The following XRRA1 variants were observed in gnomAD, a reference collection of about 807,000 sequenced individuals.
XRRA1 encodes the protein X-ray radiation resistance associated 1, also known as X-ray radiation resistance-associated protein 1.
Under a neutral mutation model 80.2 loss-of-function variants are expected in XRRA1, and 69 were observed. That is an observed-to-expected ratio of 0.86 (90% CI 0.71 to 1.05). The LOEUF is 1.05. Among genes scored for constraint, XRRA1 ranks in the 50% least tolerant of loss-of-function variants. The pLI, the probability that XRRA1 is intolerant of heterozygous loss-of-function variation, is 0.00. For missense variants in XRRA1, 967 were observed against 976.4 expected, an observed-to-expected ratio of 0.99 and a Z score of 0.13; for synonymous variants, 348 against 389.9, an observed-to-expected ratio of 0.89 and a Z score of 1.27.
rs10160417 is a variant in XRRA1 at position 74,871,425 on chromosome 11, T to G, written c.1004-8404A>C. 4.7e-3 allele frequency among the ~76,000 whole-genome samples: 715 copies of G among 152,306 alleles called. 6 individuals are homozygous for G. The highest frequency in any genetic ancestry group is 0.016 in the African/African-American group (665 of 41,568). On this transcript the variant is annotated intron_variant, in intron 10 of 18. Transcript: ENST00000684022. ...ATCTTTAGCCTGCACCCCGCTCAAG[T>G]GCATTCTGAAGCACTGAGACTCCTT...
intron 7 of XRRA1, among the ~76,000 whole-genome samples, chr11:74,926,803 G>A (rs1373395468): frequency 1.3e-5 from 2 of 152,108 alleles, no homozygotes; most frequent in African/African-American, 4.8e-5. Context: ...TTGAAGAACA[G>A]CTGTGAATGT....
At chr11:74,900,052 C>A (rs1182421054) in intron 10 of XRRA1, among the ~76,000 whole-genome samples, 1 of 151,984 alleles carries the variant, frequency 6.6e-6, no homozygotes, top group Non-Finnish European at 1.5e-5. Context: ...GTAATCCCAG[C>A]TATTTGGCAG....
At chr11:74,911,068 G>A (rs1311507913) in intron 8 of XRRA1, among the ~76,000 whole-genome samples, 1 of 152,114 alleles carries the variant, frequency 6.6e-6, no homozygotes, top group Non-Finnish European at 1.5e-5. Flanking sequence ...CTTGCGAAGA[G>A]GAGGCCACCA....
chr11:74,871,353 G>A (rs572895973), intron 10 of XRRA1, among the ~76,000 whole-genome samples: 192 of 152,290 alleles, frequency 1.3e-3, no homozygotes, highest in Non-Finnish European at 2.3e-3. Context: ...CCATTCTAAA[G>A]GAAGGAGGGG....
In XRRA1 at chr11:74,921,075, C is replaced by T. The variant is rs1221737422; in HGVS notation, c.656+139G>A. Reference sequence around the variant, plus strand: ...TTGGGGGCGTGTGTCTGAGGCCTTTCTGGGAGCTTCAGTAGGTGCCATTAT... The same window carrying T: ...TTGGGGGCGTGTGTCTGAGGCCTTTTTGGGAGCTTCAGTAGGTGCCATTAT... On this transcript the variant is annotated intron_variant, in intron 8 of 18. Transcript: ENST00000684022. 31 of 1,169,914 alleles carry T rather than the reference C, an allele frequency of 2.6e-5. 2 individuals are homozygous for T. The East Asian group carries it at 7.6e-4, about 29-fold the overall frequency. The allele number at this position is 1,169,914 out of a possible 1,614,324, so 72.5% of individuals were successfully genotyped here. A position where few individuals can be genotyped will look rare whatever the true frequency, so the allele number is the denominator to read the frequency against.
chr11:74,921,396 A>G (rs745943054), intron 7 of XRRA1, 49 bp from the exon 8 acceptor site: 1 of 1,608,594 alleles, frequency 6.2e-7, no homozygotes, highest in East Asian at 2.2e-5. Flanking sequence ...CTGTGTGACA[A>G]CAATGCTCAT....
In XRRA1 at chr11:74,907,181, T is replaced by C; in HGVS notation, c.749A>G (p.Asn250Ser). ...TLMLDDNRLS[N>S]PSCFASLAGL... is the part of the protein sequence containing the mutation. ...AGCCAGGCTGGCAAAGCAACTGGGGTTGGAGAGTCTGTTGTCATCCAGCAT... is the reference window on the plus strand; with the variant it reads ...AGCCAGGCTGGCAAAGCAACTGGGGCTGGAGAGTCTGTTGTCATCCAGCAT... Residue 250 changes from asparagine (N) to serine (S), a missense_variant, in exon 9 of 19, where the codon AAC becomes AGC. Coordinates refer to ENST00000684022, the MANE Select transcript of XRRA1 (RefSeq NM_001378157.1). 2 of 1,613,866 alleles carry C rather than the reference T, an allele frequency of 1.2e-6. No individual in the cohort carries two copies. Among genetic ancestry groups the C allele is most frequent in the South Asian group, 2.2e-5 (2 of 91,066 alleles).
At chr11:74,895,929 G>A (rs2052188732) in intron 10 of XRRA1, among the ~76,000 whole-genome samples, 1 of 152,150 alleles carries the variant, frequency 6.6e-6, no homozygotes, top group Non-Finnish European at 1.5e-5. Context: ...GGGCCAAAAG[G>A]GAACCTGCTG....
intron 10 of XRRA1, among the ~76,000 whole-genome samples, chr11:74,903,302 C>T (rs561294028): frequency 2.6e-5 from 4 of 152,260 alleles, no homozygotes; most frequent in Admixed American, 1.3e-4. Context: ...CATTGTAGCA[C>T]CATTTGTAGT....
rs562310752 is a variant in XRRA1 at position 74,890,199 on chromosome 11, G to A, written c.1003+16040C>T. ...AAAAGAACAGAAATTATAACAAACT[G>A]TCTCTCAGACCACAGTGCAGTCAAA... On this transcript the variant is annotated intron_variant, in intron 10 of 18. Coordinates refer to ENST00000684022, the MANE Select transcript of XRRA1 (RefSeq NM_001378157.1). Among the ~76,000 whole-genome samples, 27 of 152,220 alleles carry A rather than the reference G, an allele frequency of 1.8e-4. No individual in the cohort carries two copies. In the East Asian group the frequency reaches 2.3e-3, roughly 13 times the overall value.
chr11:74,946,779 T>G (rs548985901), intron 1 of XRRA1, among the ~76,000 whole-genome samples: 3 of 144,394 alleles, frequency 2.1e-5, no homozygotes, highest in Non-Finnish European at 3.0e-5. Context: ...TGAGACGGAG[T>G]CTTGCTCTGT....
At chr11:74,927,597 T>A in intron 6 of XRRA1, 109 bp from the exon 7 acceptor site, 1 of 670,712 alleles carries the variant, frequency 1.5e-6, no homozygotes, top group Non-Finnish European at 2.5e-6. Flanking sequence ...AGGCACTGTA[T>A]AAGGTACTTT....
intron 15 of XRRA1, among the ~76,000 whole-genome samples, chr11:74,846,674 AGTAG>A (rs1263933169): frequency 2.0e-5 from 3 of 152,200 alleles, no homozygotes; most frequent in African/African-American, 7.2e-5. Flanking sequence ...TGATCATCTC[AGTAG>A]ACATAGGAAA....
At chr11:74,909,820 T>C (rs866603368) in intron 8 of XRRA1, 1 of 152,208 alleles carries the variant, frequency 6.6e-6, no homozygotes, top group Non-Finnish European at 1.5e-5. Flanking sequence ...ATCTGAGAGA[T>C]TTAATGAAAG....
intron 4 of XRRA1, 72 bp downstream of exon 4, chr11:74,936,812 G>T: frequency 6.7e-7 from 1 of 1,499,958 alleles, no homozygotes; most frequent in South Asian, 1.3e-5. Flanking sequence ...TGCCAGAGCA[G>T]GGCAAATCCT....
At chr11:74,933,969 G>A in intron 4 of XRRA1, 97 bp from the exon 5 acceptor site, 1 of 1,053,864 alleles carries the variant, frequency 9.5e-7, no homozygotes, top group South Asian at 1.5e-5. Context: ...TCATATACTT[G>A]TCATAATTTG....
At chr11:74,889,679 CAT>C (rs769878034) in intron 10 of XRRA1, among the ~76,000 whole-genome samples, 131 of 152,126 alleles carry the variant, frequency 8.6e-4, no homozygotes, top group Non-Finnish European at 1.4e-3. Context: ...CAGAGACACA[CAT>C]AGGCTCAAAA....
At chr11:74,887,080 G>C (rs2049212685) in intron 10 of XRRA1, among the ~76,000 whole-genome samples, 1 of 152,186 alleles carries the variant, frequency 6.6e-6, no homozygotes, top group Non-Finnish European at 1.5e-5. Flanking sequence ...ATGCATTAAA[G>C]ACTTAAATGT....
chr11:74,863,140 C>G, intron 10 of XRRA1, 119 bp from the exon 11 acceptor site: 1 of 899,372 alleles, frequency 1.1e-6, no homozygotes, highest in Non-Finnish European at 1.8e-6. Flanking sequence ...AGGGAGTTCT[C>G]ATTGGTCCTC....
Sources: allele counts gnomAD v4.1 joint callset (sites outside exome capture counted in the v4.1 genomes callset), GRCh38; gene constraint gnomAD v4.1.1; transcripts MANE v1.5; gene names NCBI Gene and HGNC (gene_info 2026-07-23, HGNC 2026-07-21).